TRIM3: variants seen among roughly 807,000 people sequenced by gnomAD.
TRIM3 encodes the protein tripartite motif-containing protein 3.
In TRIM3, 13 loss-of-function variants were observed where a neutral mutation model predicts 66.6. The observed-to-expected ratio is 0.20, with a 90% CI of 0.13 to 0.31. The LOEUF (loss-of-function observed/expected upper bound fraction) is 0.31. Ranked by LOEUF, TRIM3 falls within the 10% of genes least tolerant of loss-of-function variation. The pLI is 1.00. For missense variants in TRIM3, 711 were observed against 1,020.4 expected (o/e 0.70, Z 4.13); for synonymous variants, 406 against 411.7 (o/e 0.99, Z 0.17).
At position 6,456,988 on chromosome 11, in the gene TRIM3, T is replaced by C. The variant is rs144175951; in HGVS notation, c.738A>G (p.Glu246=). Residue 246 remains glutamate, a synonymous_variant, in exon 6 of 12, where the codon GAA becomes GAG. Transcript: ENST00000345851. The surrounding 1 kb of genome is among the most constrained non-coding windows in gnomAD (Gnocchi z 6.4). ...CAAAGCTGCAGCTACTGCCGATGTG[T>C]TCCTGACCCTGGCGCAGTGTGTCCA... ...SQLDTLRQGQ[E]HIGSSCSFAE... is the part of the protein sequence containing the mutation. 2.2e-5 allele frequency: 36 copies of C among 1,602,638 alleles called. No individual in the cohort carries two copies. Among genetic ancestry groups the C allele is most frequent in the South Asian group, 4.4e-5 (4 of 90,974 alleles).
chr11:6,460,525 T>C (rs1216403361), intron 2 of TRIM3, among the ~76,000 whole-genome samples: 1 of 152,020 alleles, frequency 6.6e-6, no homozygotes, highest in African/African-American at 2.4e-5. Context: ...GGACTGGACG[T>C]CAGTCTCTGA....
chr11:6,466,593 G>GTT (rs77979367), intron 1 of TRIM3, among the ~76,000 whole-genome samples: 28,941 of 139,830 alleles, frequency 0.21, 3,442 homozygotes, highest in African/African-American at 0.33. Flanking sequence ...TTCCTGCTGG[G>GTT]TTTTTTTTTT....
chr11:6,456,377 A>C lies in TRIM3; in HGVS notation c.1349T>G (p.Val450Gly), dbSNP rs1227644531. The C allele has an allele frequency of 1.3e-6, 2 of 1,531,580 alleles. No homozygotes were observed. The allele number at this position is 1,531,580 out of a possible 1,614,324, so 94.9% of individuals were successfully genotyped here. The change falls in exon 6 of 12, where the codon GTG (valine) becomes GGG (glycine). Residue 450 changes from valine to glycine, a missense_variant. Around this residue, in one of 3 missense-constraint regions of TRIM3, gnomAD observed 399 missense variants for 458.1 expected, o/e 0.87. Transcript: ENST00000345851. The surrounding 1 kb of genome is among the most constrained non-coding windows in gnomAD (Gnocchi z 6.4). Reference sequence around the variant, plus strand: ...GCTGTACATGGAGCTGGGCCTACGCACTGCCTTCTGGCGCACATGGCTGCC... The same window carrying C: ...GCTGTACATGGAGCTGGGCCTACGCCCTGCCTTCTGGCGCACATGGCTGCC... Reference protein sequence around the residue: ...GPGSHVRQKAVRRPSSMYSTG... With the variant: ...GPGSHVRQKAGRRPSSMYSTG...
At chr11:6,451,220 G>A (rs369765128) in intron 8 of TRIM3, 51 bp downstream of exon 8, 1 of 1,608,752 alleles carries the variant, frequency 6.2e-7, no homozygotes, top group African/African-American at 1.3e-5. Context: ...GCACTAGACT[G>A]GTCAGTTCAG....
rs561735237 is a variant in TRIM3 at position 6,458,132 on chromosome 11, G to A, written c.296C>T (p.Pro99Leu). The A allele has an allele frequency of 2.1e-5, 34 of 1,613,914 alleles. No individual in the cohort carries two copies. The highest frequency in any genetic ancestry group is 1.7e-4 in the Middle Eastern group (1 of 6,060). Residue 99 changes from proline (P) to leucine (L), a missense_variant, in exon 3 of 12, where the codon CCG becomes CTG. Around this residue, in one of 3 missense-constraint regions of TRIM3, gnomAD observed 149 missense variants for 240.3 expected, o/e 0.62. Transcript: ENST00000345851. This position sits in a 1 kb window ranked among gnomAD's most constrained non-coding sequence, Gnocchi z 6.2. ...MQQAPDGAHD[P>L]EDPHPLSVVA... Reference sequence around the variant, plus strand: ...TACACTGAGGGGGTGGGGGTCCTCCGGGTCGTGGGCCCCATCAGGTGCCTG... The same window carrying A: ...TACACTGAGGGGGTGGGGGTCCTCCAGGTCGTGGGCCCCATCAGGTGCCTG...
At chr11:6,463,838 G>A (rs1850339011) in intron 2 of TRIM3, among the ~76,000 whole-genome samples, 1 of 152,194 alleles carries the variant, frequency 6.6e-6, no homozygotes, top group Non-Finnish European at 1.5e-5. Context: ...GGCACAAGAG[G>A]GTGGTTGTCC....
intron 7 of TRIM3, 93 bp from the exon 8 acceptor site, chr11:6,451,531 C>T: frequency 7.3e-7 from 1 of 1,368,738 alleles, no homozygotes; most frequent in Non-Finnish European, 1.0e-6. Context: ...AGGAGACCCC[C>T]CCACCACCAT....
chr11:6,451,526 A>G, intron 7 of TRIM3, 88 bp from the exon 8 acceptor site: 1 of 1,392,888 alleles, frequency 7.2e-7, no homozygotes, highest in Non-Finnish European at 9.9e-7. Flanking sequence ...GAGGGAGGAG[A>G]CCCCCCCACC....
In TRIM3 at chr11:6,456,506, T is replaced by C. The variant is rs1564965731; in HGVS notation, c.1220A>G (p.Gln407Arg). The change falls in exon 6 of 12, where the codon CAG (glutamine) becomes CGG (arginine). Residue 407 changes from glutamine (Q) to arginine (R), a missense_variant. By Grantham distance (43) the Gln-to-Arg change is conservative. Coordinates refer to ENST00000345851, the MANE Select transcript of TRIM3 (RefSeq NM_033278.4). This position sits in a 1 kb window ranked among gnomAD's most constrained non-coding sequence, Gnocchi z 6.4. The stretch of plus-strand genomic sequence containing the variant: ...GCGGAAGGGGCTGCCGCGCACTGGC[T>C]GTCCGTAGAGCAGCACCGAGAGGAG... Reference protein sequence around the residue: ...ELLLSVLLYGQPVRGSPFRVR... With the variant: ...ELLLSVLLYGRPVRGSPFRVR... 1 of 1,578,822 alleles carries C rather than the reference T, an allele frequency of 6.3e-7. No individual in the cohort carries two copies. Among genetic ancestry groups the C allele is most frequent in the South Asian group, 1.1e-5 (1 of 88,632 alleles).
At chr11:6,463,262 A>G (rs1255999123) in intron 2 of TRIM3, among the ~76,000 whole-genome samples, 4 of 152,316 alleles carry the variant, frequency 2.6e-5, no homozygotes, top group Middle Eastern at 3.4e-3. Flanking sequence ...GAAAAGTTAC[A>G]TTAAAAAATT....
chr11:6,454,880 T>C (rs989928082), intron 7 of TRIM3, among the ~76,000 whole-genome samples: 3 of 152,164 alleles, frequency 2.0e-5, no homozygotes, highest in African/African-American at 4.8e-5. Flanking sequence ...AGTTTAAACG[T>C]ATAGGTGTTT....
chr11:6,462,663 T>C (rs1433369059), intron 2 of TRIM3, among the ~76,000 whole-genome samples: 1 of 152,116 alleles, frequency 6.6e-6, no homozygotes, highest in African/African-American at 2.4e-5. Context: ...CCTCCCACCT[T>C]GGCCTCCCAA....
In TRIM3 at chr11:6,456,685, G is replaced by A; in HGVS notation, c.1041C>T (p.Thr347=). ...VGQPASLTVT[T]KDKDGRLVRT... is the part of the protein sequence containing the mutation. ...GCACCAACCGCCCGTCCTTGTCTTT[G>A]GTAGTGACAGTGAGCGAGGCAGGCT... Residue 347 remains threonine (T), a synonymous_variant, in exon 6 of 12, where the codon ACC becomes ACT. Coordinates refer to ENST00000345851, the MANE Select transcript of TRIM3 (RefSeq NM_033278.4). The surrounding 1 kb of genome is among the most constrained non-coding windows in gnomAD (Gnocchi z 6.4). 1 of 1,606,304 alleles carries A rather than the reference G, an allele frequency of 6.2e-7. No individual in the cohort carries two copies. The highest frequency in any genetic ancestry group is 8.5e-7 in the Non-Finnish European group (1 of 1,176,240).
intron 1 of TRIM3, among the ~76,000 whole-genome samples, chr11:6,468,254 G>C (rs1850548451): frequency 6.6e-6 from 1 of 152,230 alleles, no homozygotes; most frequent in African/African-American, 2.4e-5. Context: ...TGAAAGCTGA[G>C]GTGGAGCTGA....
At chr11:6,451,101 G>C (rs755329548) in intron 8 of TRIM3, 41 bp from the exon 9 acceptor site, 23 of 1,610,278 alleles carry the variant, frequency 1.4e-5, no homozygotes, top group Non-Finnish European at 2.0e-5. Flanking sequence ...TATTCTGACA[G>C]TGGGGAAAGT....
At position 6,457,581 on chromosome 11, in the gene TRIM3, A is replaced by C; in HGVS notation, c.516-105T>G. ...TGCCCTCATGGAGATCTCCTTCCTG[A>C]GACCTCCCTGAGACTTCCATCTCTG... On this transcript the variant is annotated intron_variant, in intron 4 of 11. Coordinates refer to ENST00000345851, the MANE Select transcript of TRIM3 (RefSeq NM_033278.4). The surrounding 1 kb of genome is among the most constrained non-coding windows in gnomAD (Gnocchi z 4.5). The C allele has an allele frequency of 1.9e-6, 3 of 1,553,744 alleles. No homozygotes were observed. Among genetic ancestry groups the C allele is most frequent in the Non-Finnish European group, 2.6e-6 (3 of 1,147,334 alleles).
chr11:6,468,680 T>A (rs537744058), intron 1 of TRIM3, among the ~76,000 whole-genome samples: 1 of 152,210 alleles, frequency 6.6e-6, no homozygotes, highest in South Asian at 2.1e-4. Flanking sequence ...TCAGAGTGAC[T>A]GAAGAGTAAA....
At chr11:6,451,747 A>C (rs896732493) in intron 7 of TRIM3, 1 of 359,856 alleles carries the variant, frequency 2.8e-6, no homozygotes, top group Admixed American at 4.4e-5. Context: ...AAGGAAGAGG[A>C]AAGGCATTCA....
At position 6,456,449 on chromosome 11, in the gene TRIM3, G is replaced by A; in HGVS notation, c.1277C>T (p.Pro426Leu). The change falls in exon 6 of 12, where the codon CCT becomes CTT. Residue 426 changes from proline (P) to leucine (L), a missense_variant. By Grantham distance (98) the Pro-to-Leu change is moderately conservative (BLOSUM62 -3). Around this residue, in one of 3 missense-constraint regions of TRIM3, gnomAD observed 399 missense variants for 458.1 expected, o/e 0.87. Coordinates refer to ENST00000345851, the MANE Select transcript of TRIM3 (RefSeq NM_033278.4). The surrounding 1 kb of genome is among the most constrained non-coding windows in gnomAD (Gnocchi z 6.4). ...ACGGCGCTTCACATCGTCCGGGGAAGGTGGCAGGTCCCCCGGACGCAGGGC... is the reference window on the plus strand; with the variant it reads ...ACGGCGCTTCACATCGTCCGGGGAAAGTGGCAGGTCCCCCGGACGCAGGGC... Reference protein sequence around the residue: ...VRALRPGDLPPSPDDVKRRVK... With the variant: ...VRALRPGDLPLSPDDVKRRVK... 1 of 1,537,442 alleles carries A rather than the reference G, an allele frequency of 6.5e-7. No homozygotes were observed. Among genetic ancestry groups the A allele is most frequent in the East Asian group, 2.3e-5 (1 of 44,034 alleles).
Sources: allele counts gnomAD v4.1 joint callset (sites outside exome capture counted in the v4.1 genomes callset), GRCh38; gene constraint gnomAD v4.1.1; regional missense constraint gnomAD v4.1.1; non-coding constraint Gnocchi (gnomAD v3.1); transcripts MANE v1.5; gene names NCBI Gene and HGNC (gene_info 2026-07-23, HGNC 2026-07-21).